The following ROR2 variants were observed in gnomAD, a reference collection of about 807,000 sequenced individuals.
ROR2 encodes the protein tyrosine-protein kinase transmembrane receptor ROR2.
A neutral mutation model predicts 74.9 loss-of-function variants in ROR2; 33 were observed. The ratio of observed to expected loss-of-function variants is 0.44; its 90% CI spans 0.33 to 0.59. ROR2 has a LOEUF of 0.59. ROR2 is among the 20% of genes least tolerant of loss of function. ROR2 has a pLI of 0.02. For missense variants in ROR2, 1,216 were observed against 1,313.8 expected (o/e 0.93, Z 1.15); for synonymous variants, 586 against 558.7 (o/e 1.05, Z -0.69).
intron 1 of ROR2, among the ~76,000 whole-genome samples, chr9:91,859,197 C>CTTT (rs541283275): frequency 0.13 from 15,191 of 120,302 alleles, 1,884 homozygotes; most frequent in African/African-American, 0.31. Context: ...GAAAGTATTC[C>CTTT]TTTTTTTTTT....
chr9:91,881,495 T>C (rs1054533585), intron 1 of ROR2, among the ~76,000 whole-genome samples: 2 of 152,228 alleles, frequency 1.3e-5, no homozygotes, highest in Admixed American at 1.3e-4. Flanking sequence ...CAGTATGTCA[T>C]TTCACTCGAA....
At position 91,948,861 on chromosome 9, in the gene ROR2, G is replaced by A. The variant is rs373250360; in HGVS notation, c.97+1006C>T. 9.9e-5 allele frequency: 98 copies of A among 985,314 alleles called. No homozygotes were observed. In the African/African-American group the frequency reaches 1.7e-3, roughly 17 times the overall value. The allele number at this position is 985,314 out of a possible 1,614,324, so 61.0% of individuals were successfully genotyped here. ...CGCCCGCCCTCCTCCACCCCCGCAG[G>A]GTGCCGAGAATCCGGCCCGAGGCGC... On this transcript the variant is annotated intron_variant, in intron 1 of 8. Coordinates refer to ENST00000375708, the MANE Select transcript of ROR2 (RefSeq NM_004560.4).
chr9:91,796,001 G>A (rs556231511), intron 1 of ROR2, among the ~76,000 whole-genome samples: 2 of 152,280 alleles, frequency 1.3e-5, no homozygotes, highest in South Asian at 2.1e-4. Context: ...AAGTGCTGGT[G>A]GCACTCCCAG....
At chr9:91,746,573 GAATCATCCACTTGGCGAGAGGTGCCTTCA>G (rs563295037) in intron 4 of ROR2, among the ~76,000 whole-genome samples, 7 of 152,162 alleles carry the variant, frequency 4.6e-5, no homozygotes, top group Non-Finnish European at 1.0e-4. Flanking sequence ...CGGTGCCTTC[GAATCATCCACTTGGCGAGAGGTGCCTTCA>G]AATCATCCAC....
intron 1 of ROR2, among the ~76,000 whole-genome samples, chr9:91,836,522 A>G (rs1179951789): frequency 2.0e-5 from 3 of 150,042 alleles, no homozygotes; most frequent in Admixed American, 1.3e-4. Flanking sequence ...CCTGGAAGAC[A>G]GAGTGAGATT....
chr9:91,829,093 C>G (rs188324760), intron 1 of ROR2, among the ~76,000 whole-genome samples: 39 of 152,298 alleles, frequency 2.6e-4, no homozygotes, highest in African/African-American at 7.5e-4. Flanking sequence ...CAAGGTATAA[C>G]TTAAATATAT....
intron 6 of ROR2, among the ~76,000 whole-genome samples, chr9:91,731,378 A>G (rs779268569): frequency 6.6e-6 from 1 of 152,198 alleles, no homozygotes; most frequent in Non-Finnish European, 1.5e-5. Context: ...GTTATTCCAC[A>G]GCCCCAGAAC....
chr9:91,872,862 G>A (rs1829842408), intron 1 of ROR2, among the ~76,000 whole-genome samples: 1 of 152,176 alleles, frequency 6.6e-6, no homozygotes, highest in Non-Finnish European at 1.5e-5. Flanking sequence ...AGGCACCCTG[G>A]TGTGTTTTGC....
intron 4 of ROR2, among the ~76,000 whole-genome samples, chr9:91,738,726 G>A (rs550544419): frequency 1.6e-4 from 25 of 152,354 alleles, no homozygotes; most frequent in African/African-American, 5.8e-4. Flanking sequence ...GCAGAAGTGC[G>A]ACCTGGCCAC....
intron 1 of ROR2, among the ~76,000 whole-genome samples, chr9:91,845,538 A>G (rs1828902602): frequency 6.6e-6 from 1 of 152,032 alleles, no homozygotes; most frequent in Non-Finnish European, 1.5e-5. Context: ...GCATGCTCAC[A>G]CCAAAGCATG....
intron 1 of ROR2, among the ~76,000 whole-genome samples, chr9:91,907,583 A>T (rs1830853155): frequency 6.6e-6 from 1 of 152,160 alleles, no homozygotes. Flanking sequence ...CATCTTTCTG[A>T]GAAAGCCACA....
intron 1 of ROR2, among the ~76,000 whole-genome samples, chr9:91,848,046 CT>C (rs954514301): frequency 2.6e-5 from 4 of 152,118 alleles, no homozygotes; most frequent in African/African-American, 9.7e-5. Flanking sequence ...GCCTTATCAC[CT>C]GGGGCACAAA....
Position 91,938,478 on chromosome 9 carries a change from C to T in ROR2, c.97+11389G>A, listed in dbSNP as rs138793863. On this transcript the variant is annotated intron_variant, in intron 1 of 8. Transcript: ENST00000375708. ...ATCTCAAAAAGAAAACAAATGTGAG[C>T]CAGATGTGATGTGCACACCTGTAAT... Among the ~76,000 whole-genome samples the T allele has an allele frequency of 7.8e-4, 119 of 151,974 alleles. 2 individuals carry two copies. In the East Asian group the frequency reaches 0.02, roughly 25 times the overall value.
intron 1 of ROR2, among the ~76,000 whole-genome samples, chr9:91,879,210 T>C (rs1402211395): frequency 6.6e-6 from 1 of 151,870 alleles, no homozygotes; most frequent in South Asian, 2.1e-4. Context: ...AGATGAGTAA[T>C]CGGAACAGAC....
intron 1 of ROR2, among the ~76,000 whole-genome samples, chr9:91,897,309 A>G (rs936884425): frequency 2.0e-5 from 3 of 152,266 alleles, no homozygotes; most frequent in Non-Finnish European, 4.4e-5. Flanking sequence ...AGGCCAAAAT[A>G]ATCCCAAAGG....
intron 2 of ROR2, among the ~76,000 whole-genome samples, chr9:91,764,216 A>T (rs920408228): frequency 1.3e-5 from 2 of 152,194 alleles, no homozygotes; most frequent in African/African-American, 4.8e-5. Flanking sequence ...TGATATTATT[A>T]TAGCCATCCT....
intron 1 of ROR2, among the ~76,000 whole-genome samples, chr9:91,945,638 T>A (rs183601462): frequency 6.6e-6 from 1 of 152,368 alleles, no homozygotes; most frequent in Non-Finnish European, 1.5e-5. Context: ...TTTGAGTTTT[T>A]TGCTTTTTTC....
At chr9:91,869,664 G>C (rs1829739031) in intron 1 of ROR2, among the ~76,000 whole-genome samples, 1 of 152,142 alleles carries the variant, frequency 6.6e-6, no homozygotes, top group South Asian at 2.1e-4. Flanking sequence ...CAAGGCTCGT[G>C]GGTGGAGGTA....
intron 1 of ROR2, among the ~76,000 whole-genome samples, chr9:91,930,291 C>T (rs992053284): frequency 1.3e-5 from 2 of 152,186 alleles, no homozygotes; most frequent in Non-Finnish European, 2.9e-5. Flanking sequence ...CTGCTAGAAA[C>T]AAAGACTCAA....
Sources: gnomAD v4.1 joint callset for allele counts (sites outside exome capture counted in the v4.1 genomes callset) on GRCh38, gnomAD v4.1.1 for gene constraint, MANE v1.5 for transcripts, NCBI Gene and HGNC (gene_info 2026-07-23, HGNC 2026-07-21) for gene names.